Variants in DMD observed in about 807,000 individuals in gnomAD.
DMD encodes the protein dystrophin, also known as mutant dystrophin.
DMD carries 63 observed loss-of-function variants against 330.1 expected under a neutral mutation model. That is an observed-to-expected ratio of 0.19 (90% CI 0.16 to 0.24). The LOEUF is 0.24. Among genes scored for constraint, DMD ranks in the 10% least tolerant of loss-of-function variants. The probability of loss-of-function intolerance (pLI) is 1.00; values close to 1 mark genes in which losing one functional copy is unlikely to be tolerated. For missense variants in DMD, 3,344 were observed against 2,684.1 expected, an observed-to-expected ratio of 1.25 and a Z score of -5.43; for synonymous variants, 1,223 against 959.8, an observed-to-expected ratio of 1.27 and a Z score of -5.07.
intron 7 of DMD, among the ~76,000 whole-genome samples, chrX:32,790,274 C>T (rs192485592): frequency 1.4e-3 from 157 of 112,086 alleles, no homozygotes; most frequent in South Asian, 3.4e-3. Flanking sequence ...CTCTATCCAG[C>T]TGAGATTGGC....
At chrX:32,709,973 G>T (rs2065035533) in intron 7 of DMD, among the ~76,000 whole-genome samples, 1 of 110,891 alleles carries the variant, frequency 9.0e-6, no homozygotes, top group African/African-American at 3.3e-5. Context: ...TCATTTTCAT[G>T]GTCTACACCC....
chrX:32,741,513 C>A (rs138682468), intron 7 of DMD, among the ~76,000 whole-genome samples: 1 of 111,568 alleles, frequency 9.0e-6, no homozygotes, highest in Non-Finnish European at 1.9e-5. Flanking sequence ...GTCCATAAGA[C>A]GATCAACAAC....
chrX:31,669,423 T>G (rs979451690), intron 53 of DMD, among the ~76,000 whole-genome samples: 1 of 112,077 alleles, frequency 8.9e-6, no homozygotes, highest in Non-Finnish European at 1.9e-5. Context: ...TGAGAAATGT[T>G]TAAGTGTTTT....
At chrX:32,407,050 A>G (rs1407205948) in intron 30 of DMD, among the ~76,000 whole-genome samples, 1 of 111,573 alleles carries the variant, frequency 9.0e-6, no homozygotes, top group Admixed American at 9.6e-5. Context: ...ATTACCATTC[A>G]GGACATAGGC....
At chrX:31,716,268 G>A (rs2148938379) in intron 52 of DMD, among the ~76,000 whole-genome samples, 1 of 112,466 alleles carries the variant, frequency 8.9e-6, no homozygotes, top group East Asian at 2.8e-4. Flanking sequence ...ACATGTGTTA[G>A]CGGCCAGGAG....
Position 32,678,644 on chromosome X carries a change from CAT to C in DMD, c.960+19224_960+19225del, listed in dbSNP as rs1438357758. Among the ~76,000 whole-genome samples, 3 of 111,219 alleles carry C rather than the reference CAT, an allele frequency of 2.7e-5. No homozygotes were observed. In the East Asian group the frequency reaches 8.5e-4, roughly 31 times the overall value. ...TCTACGAAACAAGAATAAACACTAA[CAT>C]GTGATCCCTTCTCTACTCCTCCCTC... is the stretch of plus-strand genomic sequence containing the variant. On this transcript the variant is annotated intron_variant, in intron 9 of 78. Transcript: ENST00000357033.
intron 7 of DMD, among the ~76,000 whole-genome samples, chrX:32,748,528 T>C (rs1263990065): frequency 9.0e-6 from 1 of 111,440 alleles, no homozygotes; most frequent in Non-Finnish European, 1.9e-5. Context: ...TAATTACATC[T>C]ACAGAACTTC....
intron 30 of DMD, among the ~76,000 whole-genome samples, chrX:32,410,958 A>G (rs1481099053): frequency 9.0e-6 from 1 of 111,366 alleles, no homozygotes; most frequent in East Asian, 2.8e-4. Context: ...GAGTGCATGT[A>G]GCTATATTGA....
intron 11 of DMD, among the ~76,000 whole-genome samples, chrX:32,616,364 G>A (rs983297063): frequency 1.8e-5 from 2 of 110,802 alleles, no homozygotes; most frequent in Admixed American, 9.6e-5. Flanking sequence ...AGTTTTTTCT[G>A]CATTGGAGAT....
intron 2 of DMD, among the ~76,000 whole-genome samples, chrX:32,856,584 C>T (rs1440466986): frequency 8.9e-6 from 1 of 111,871 alleles, no homozygotes; most frequent in Admixed American, 9.5e-5. Context: ...TGCATGGGCT[C>T]ACTCATATGC....
chrX:31,141,007 A>G (rs1287458234), intron 76 of DMD, among the ~76,000 whole-genome samples: 1 of 111,215 alleles, frequency 9.0e-6, no homozygotes, highest in Non-Finnish European at 1.9e-5. Flanking sequence ...CCTGGCCAAC[A>G]TGGTGAAACC....
At chrX:32,227,265 A>G (rs2097151393) in intron 43 of DMD, among the ~76,000 whole-genome samples, 1 of 729 alleles carries the variant, frequency 1.4e-3, no homozygotes, top group Non-Finnish European at 2.9e-3. Context: ...AAGTCTAAGC[A>G]TATATATATA....
chrX:32,949,145 A>C (rs977134055), intron 2 of DMD, among the ~76,000 whole-genome samples: 2 of 110,223 alleles, frequency 1.8e-5, no homozygotes, highest in African/African-American at 6.6e-5. Flanking sequence ...CTAAAACTAC[A>C]CCCATCTATT....
intron 1 of DMD, among the ~76,000 whole-genome samples, chrX:33,210,899 T>C (rs1200192384): frequency 1.8e-5 from 2 of 111,493 alleles, no homozygotes; most frequent in Non-Finnish European, 3.8e-5. Flanking sequence ...GTAACCTTTA[T>C]GTAACTGTTA....
intron 1 of DMD, among the ~76,000 whole-genome samples, chrX:33,049,185 T>G (rs1393764142): frequency 8.9e-6 from 1 of 112,091 alleles, no homozygotes; most frequent in East Asian, 2.8e-4. Context: ...AAGGATTTGT[T>G]TGGTTGCAAT....
intron 6 of DMD, among the ~76,000 whole-genome samples, chrX:32,812,156 TCTACTC>T (rs1603433688): frequency 9.0e-6 from 1 of 110,777 alleles, no homozygotes; most frequent in Non-Finnish European, 1.9e-5. Context: ...CTATGAAACT[TCTACTC>T]CTACAAAAAA....
At chrX:31,354,480 T>G (rs781730864) in intron 60 of DMD, among the ~76,000 whole-genome samples, 1 of 111,463 alleles carries the variant, frequency 9.0e-6, no homozygotes, top group Non-Finnish European at 1.9e-5. Flanking sequence ...ATTTTGCCTA[T>G]AATACTAGAT....
At chrX:32,308,400 T>C (rs1603630402) in intron 42 of DMD, among the ~76,000 whole-genome samples, 1 of 110,799 alleles carries the variant, frequency 9.0e-6, no homozygotes, top group African/African-American at 3.3e-5. Flanking sequence ...TTTCCATTTT[T>C]ACTACTGGAT....
chrX:31,321,281 T>C (rs924858119), intron 62 of DMD, among the ~76,000 whole-genome samples: 4 of 111,027 alleles, frequency 3.6e-5, no homozygotes, highest in Non-Finnish European at 7.5e-5. Context: ...CTCTTTATTT[T>C]ATAAATTAGA....
Sources: allele counts gnomAD v4.1 joint callset (sites outside exome capture counted in the v4.1 genomes callset), GRCh38; gene constraint gnomAD v4.1.1; transcripts MANE v1.5; gene names NCBI Gene and HGNC (gene_info 2026-07-23, HGNC 2026-07-21).